CSMD1: variants seen among roughly 807,000 people sequenced by gnomAD.
The protein encoded by CSMD1 is CUB and Sushi multiple domains 1.
Under a neutral mutation model 417.5 loss-of-function variants are expected in CSMD1, and 213 were observed. The ratio of observed to expected loss-of-function variants is 0.51; its 90% CI spans 0.46 to 0.57. CSMD1 has a LOEUF of 0.57. Among genes scored for constraint, CSMD1 ranks in the 20% least tolerant of loss-of-function variants. CSMD1 has a pLI of 0.00. For synonymous variants in CSMD1, 2,862 were observed against 1,736.8 expected (o/e 1.65, Z -16.11); for missense variants, 6,923 against 4,529.7 (o/e 1.53, Z -15.17).
chr8:4,057,615 A>G (rs964606369), intron 3 of CSMD1, among the ~76,000 whole-genome samples: 11 of 150,244 alleles, frequency 7.3e-5, no homozygotes, highest in Non-Finnish European at 1.5e-4. Flanking sequence ...GCCCATGCCT[A>G]TGTCCTGAAT....
intron 2 of CSMD1, among the ~76,000 whole-genome samples, chr8:4,623,764 T>C (rs1801922534): frequency 6.6e-6 from 1 of 152,030 alleles, no homozygotes; most frequent in Admixed American, 6.6e-5. Flanking sequence ...TCATATAATT[T>C]GGCATATATA....
chr8:4,396,802 C>G (rs547025796), intron 3 of CSMD1, among the ~76,000 whole-genome samples: 3 of 152,074 alleles, frequency 2.0e-5, no homozygotes, highest in Non-Finnish European at 2.9e-5. Context: ...ATCGTATGTT[C>G]TCACTTATAA....
At chr8:4,576,984 G>C (rs1187807385) in intron 2 of CSMD1, among the ~76,000 whole-genome samples, 1 of 152,146 alleles carries the variant, frequency 6.6e-6, no homozygotes, top group Non-Finnish European at 1.5e-5. Context: ...GATGAACACA[G>C]TGTGATTCTA....
chr8:4,007,987 T>G (rs984829656), intron 4 of CSMD1, among the ~76,000 whole-genome samples: 1 of 152,202 alleles, frequency 6.6e-6, no homozygotes, highest in African/African-American at 2.4e-5. Context: ...AAAAGAACGA[T>G]TCATAATTGT....
chr8:3,324,594 G>A (rs1806398180), intron 23 of CSMD1, among the ~76,000 whole-genome samples: 1 of 151,406 alleles, frequency 6.6e-6, no homozygotes. Context: ...ACCCAGGAGT[G>A]GGAGTTTCCT....
chr8:4,223,933 G>C (rs189312592), intron 3 of CSMD1, among the ~76,000 whole-genome samples: 7 of 152,238 alleles, frequency 4.6e-5, no homozygotes, highest in Admixed American at 1.3e-4. Context: ...ATAACATCCA[G>C]GGGTCCTTTG....
At chr8:3,631,282 T>C (rs1181951700) in intron 7 of CSMD1, among the ~76,000 whole-genome samples, 2 of 152,224 alleles carry the variant, frequency 1.3e-5, no homozygotes, top group African/African-American at 4.8e-5. Context: ...AACTATCATG[T>C]AGGCCCATGG....
chr8:3,378,565 T>G (rs1470837980), intron 18 of CSMD1, among the ~76,000 whole-genome samples: 1 of 152,188 alleles, frequency 6.6e-6, no homozygotes, highest in African/African-American at 2.4e-5. Flanking sequence ...CAAGTCAGCT[T>G]TATCCCTGGG....
chr8:4,121,856 A>C (rs1384042181), intron 3 of CSMD1, among the ~76,000 whole-genome samples: 1 of 152,104 alleles, frequency 6.6e-6, no homozygotes, highest in African/African-American at 2.4e-5. Context: ...TTCTTTTTTC[A>C]ATACTCCAAG....
chr8:3,864,275 C>T (rs769113868), intron 5 of CSMD1, among the ~76,000 whole-genome samples: 1 of 152,090 alleles, frequency 6.6e-6, no homozygotes, highest in South Asian at 2.1e-4. Flanking sequence ...AATCATAACT[C>T]AATAATTTGG....
intron 2 of CSMD1, among the ~76,000 whole-genome samples, chr8:4,494,043 G>C (rs1482097973): frequency 2.6e-5 from 4 of 152,200 alleles, no homozygotes; most frequent in Admixed American, 2.0e-4. Context: ...GAAGGAACAT[G>C]AATGGTATTC....
chr8:4,542,308 T>G (rs180811422), intron 2 of CSMD1, among the ~76,000 whole-genome samples: 10 of 152,178 alleles, frequency 6.6e-5, no homozygotes, highest in Non-Finnish European at 1.5e-4. Context: ...TATGTTAATA[T>G]AAATTGTCGT....
chr8:4,554,308 C>T (rs931437020), intron 2 of CSMD1, among the ~76,000 whole-genome samples: 8 of 151,924 alleles, frequency 5.3e-5, no homozygotes, highest in South Asian at 4.2e-4. Flanking sequence ...GGCTAATTTT[C>T]ATATTTTCAG....
At chr8:4,270,102 G>A (rs946798695) in intron 3 of CSMD1, among the ~76,000 whole-genome samples, 2 of 152,154 alleles carry the variant, frequency 1.3e-5, no homozygotes, top group African/African-American at 2.4e-5. Context: ...CAATATTTCA[G>A]CAATCTCTTT....
chr8:4,309,169 G>A (rs61191550), intron 3 of CSMD1, among the ~76,000 whole-genome samples: 1 of 151,810 alleles, frequency 6.6e-6, no homozygotes, highest in East Asian at 1.9e-4. Context: ...TTCTGAAGAT[G>A]TGTGGAGATT....
rs143378578 is a variant in CSMD1, at chr8:4,118,388, C to G, written c.416-86289G>C. ...TCTAACATCCAGAATCTACAAAGAA[C>G]TTAAAGAAATTTACAAAAAAAAAAA... On this transcript the variant is annotated intron_variant, in intron 3 of 69. Transcript: ENST00000635120. 1.7e-3 allele frequency among the ~76,000 whole-genome samples: 242 copies of G among 145,442 alleles called. 1 individual carries two copies. The highest frequency in any genetic ancestry group is 6.0e-3 in the African/African-American group (233 of 38,634).
intron 40 of CSMD1, among the ~76,000 whole-genome samples, chr8:3,147,939 A>C (rs1818939347): frequency 6.6e-6 from 1 of 152,162 alleles, no homozygotes; most frequent in African/African-American, 2.4e-5. Context: ...AAGGAAGACA[A>C]ATCTTCTGGC....
chr8:2,959,186 T>A (rs1803260558), intron 62 of CSMD1, among the ~76,000 whole-genome samples: 2 of 152,208 alleles, frequency 1.3e-5, no homozygotes, highest in African/African-American at 2.4e-5. Context: ...GCTCATTGCA[T>A]CCTTGACCTC....
At chr8:3,633,751 G>C (rs952336327) in intron 7 of CSMD1, among the ~76,000 whole-genome samples, 1 of 152,076 alleles carries the variant, frequency 6.6e-6, no homozygotes, top group African/African-American at 2.4e-5. Flanking sequence ...TTTCCCTTCA[G>C]CAACCCCATA....
Sources: gnomAD v4.1 joint callset for allele counts (sites outside exome capture counted in the v4.1 genomes callset) on GRCh38, gnomAD v4.1.1 for gene constraint, MANE v1.5 for transcripts, NCBI Gene and HGNC (gene_info 2026-07-23, HGNC 2026-07-21) for gene names.